MACF1: variants seen among roughly 807,000 people sequenced by gnomAD.
MACF1 encodes the protein microtubule actin crosslinking factor 1.
In MACF1, 193 loss-of-function variants were observed where a neutral mutation model predicts 854.8. That is an observed-to-expected ratio of 0.23 (90% CI 0.20 to 0.25). The LOEUF is 0.25. MACF1 is among the 10% of genes least tolerant of loss of function. The pLI, the probability that MACF1 is intolerant of heterozygous loss-of-function variation, is 1.00. For missense variants in MACF1, 7,722 were observed against 8,929.1 expected (o/e 0.86, Z 5.45); for synonymous variants, 3,185 against 3,226.7 (o/e 0.99, Z 0.44).
intron 2 of MACF1, among the ~76,000 whole-genome samples, chr1:39,190,923 G>A (rs1644248353): frequency 6.6e-6 from 1 of 152,138 alleles, no homozygotes; most frequent in Non-Finnish European, 1.5e-5. Context: ...AACCTGGGAG[G>A]TGGAGTTTGC....
intron 74 of MACF1, among the ~76,000 whole-genome samples, chr1:39,441,727 T>C (rs148749113): frequency 6.6e-5 from 10 of 152,314 alleles, no homozygotes; most frequent in African/African-American, 2.4e-4. Flanking sequence ...TATTTCCAAA[T>C]TGTAGTTTAT....
chr1:39,101,390 G>A (rs1341124377), intron 2 of MACF1, among the ~76,000 whole-genome samples: 11 of 122,462 alleles, frequency 9.0e-5, no homozygotes, highest in African/African-American at 2.5e-4. Context: ...ATATATATAT[G>A]TGTGTGTATA....
chr1:39,250,372 C>T (rs1221566941), intron 3 of MACF1, among the ~76,000 whole-genome samples: 2 of 151,990 alleles, frequency 1.3e-5, no homozygotes, highest in Non-Finnish European at 2.9e-5. Context: ...TTTTGCATTA[C>T]TTTTTCTTTA....
intron 2 of MACF1, among the ~76,000 whole-genome samples, chr1:39,128,399 A>G (rs1447532242): frequency 6.6e-6 from 1 of 151,984 alleles, no homozygotes; most frequent in Non-Finnish European, 1.5e-5. Context: ...TCTCCCTTTG[A>G]TACTTAAGAG....
intron 2 of MACF1, among the ~76,000 whole-genome samples, chr1:39,160,094 C>T (rs773785787): frequency 2.6e-5 from 4 of 152,064 alleles, no homozygotes; most frequent in Non-Finnish European, 5.9e-5. Context: ...ATGGGAGGAT[C>T]GCTTGAACCC....
At position 39,361,012 on chromosome 1, in the gene MACF1, T is replaced by C. The variant is rs537471221; in HGVS notation, c.12453+11T>C. On this transcript the variant is annotated intron_variant, in intron 48 of 100. Coordinates refer to ENST00000564288, the MANE Select transcript of MACF1 (RefSeq NM_001394062.1). Reference sequence around the variant, plus strand: ...TTAGCCACAAATATGGTAAGATCTGTGTCCCAAGAGCTAGCATAGAGGGTA... The same window carrying C: ...TTAGCCACAAATATGGTAAGATCTGCGTCCCAAGAGCTAGCATAGAGGGTA... 1.9e-6 allele frequency: 3 copies of C among 1,611,104 alleles called. No individual in the cohort carries two copies. In the South Asian group the frequency reaches 3.3e-5, roughly 18 times the overall value.
chr1:39,366,943 CT>C (rs138556133), intron 49 of MACF1, among the ~76,000 whole-genome samples: 21,820 of 92,968 alleles, frequency 0.23, 1,835 homozygotes, highest in African/African-American at 0.33. Context: ...CATGCCTGGC[CT>C]TTTTTTTTTT....
intron 58 of MACF1, among the ~76,000 whole-genome samples, chr1:39,393,343 G>A (rs181400896): frequency 2.3e-3 from 351 of 151,422 alleles, no homozygotes; most frequent in Admixed American, 3.8e-3. Flanking sequence ...CCTGCTCCCC[G>A]CAAGAACCAT....
At chr1:39,166,958 A>G (rs1643888728) in intron 2 of MACF1, among the ~76,000 whole-genome samples, 1 of 151,938 alleles carries the variant, frequency 6.6e-6, no homozygotes, top group South Asian at 2.1e-4. Context: ...AGTAAAGAGC[A>G]GGGATGTTAA....
Position 39,430,024 on chromosome 1 carries a change from T to C in MACF1, c.17086T>C (p.Ser5696Pro), listed in dbSNP as rs773594255. Residue 5696 changes from serine (S) to proline (P), a missense_variant, in exon 65 of 101, where the codon TCT becomes CCT. Ser to Pro is a moderately conservative substitution (Grantham distance 74). Transcript: ENST00000564288. ...GGAGCTGGCAACCAGTGGAGGACAG[T>C]CTCCCACAGGGGAACAGATACCCCA... is the stretch of plus-strand genomic sequence containing the variant. The part of the protein sequence containing the change: ...EEELATSGGQ[S>P]PTGEQIPQFQ... 1 of 1,613,560 alleles carries C rather than the reference T, an allele frequency of 6.2e-7. No homozygotes were observed. Among genetic ancestry groups the C allele is most frequent in the South Asian group, 1.1e-5 (1 of 91,042 alleles).
chr1:39,285,428 A>G, intron 13 of MACF1, 38 bp downstream of exon 13: 1 of 1,603,922 alleles, frequency 6.2e-7, no homozygotes, highest in South Asian at 1.1e-5. Context: ...TCTGTGTCAC[A>G]TGTTTCCTGC....
chr1:39,259,925 C>T (rs1259260645), intron 6 of MACF1, among the ~76,000 whole-genome samples: 1 of 152,118 alleles, frequency 6.6e-6, no homozygotes, highest in Non-Finnish European at 1.5e-5. Flanking sequence ...CCAGAAGAAA[C>T]ATTTCCTTGA....
At chr1:39,095,046 T>C (rs1189805940) in intron 2 of MACF1, among the ~76,000 whole-genome samples, 1 of 152,142 alleles carries the variant, frequency 6.6e-6, no homozygotes, top group Non-Finnish European at 1.5e-5. Context: ...TCCTGGAAGC[T>C]CCCTGAATCT....
chr1:39,238,775 C>G (rs952688633), intron 2 of MACF1, among the ~76,000 whole-genome samples: 2 of 152,168 alleles, frequency 1.3e-5, no homozygotes, highest in African/African-American at 4.8e-5. Flanking sequence ...AGGCCCCCAG[C>G]CTTACAGTTT....
intron 97 of MACF1, among the ~76,000 whole-genome samples, chr1:39,478,750 T>G (rs533677235): frequency 6.6e-6 from 1 of 152,296 alleles, no homozygotes; most frequent in African/African-American, 2.4e-5. Flanking sequence ...CCTTCTAGAT[T>G]TATGGTTTCT....
chr1:39,282,146 G>T (rs1177325853), intron 6 of MACF1, 62 bp from the exon 7 acceptor site: 9 of 1,561,450 alleles, frequency 5.8e-6, no homozygotes, highest in African/African-American at 1.4e-5. Context: ...GTATGGAGAA[G>T]AGAAGGCTAA....
At chr1:39,481,739 T>G (rs1415306769) in intron 99 of MACF1, among the ~76,000 whole-genome samples, 1 of 152,220 alleles carries the variant, frequency 6.6e-6, no homozygotes, top group Non-Finnish European at 1.5e-5. Flanking sequence ...GCTTGTCTGA[T>G]AGTAGTGCAG....
chr1:39,125,291 A>G lies in MACF1; in HGVS notation c.220+40853A>G, dbSNP rs535124475. On this transcript the variant is annotated intron_variant, in intron 2 of 93. Transcript: ENST00000361689. ...TTCAAGCAGGTTGGTGTCATTAAGAACAAGGGGTTTGAATCTTGACTCAGC... is the reference window on the plus strand; with the variant it reads ...TTCAAGCAGGTTGGTGTCATTAAGAGCAAGGGGTTTGAATCTTGACTCAGC... Among the ~76,000 whole-genome samples the G allele has an allele frequency of 3.9e-5, 6 of 152,302 alleles. No homozygotes were observed. In the South Asian group the frequency reaches 1.2e-3, roughly 32 times the overall value.
At chr1:39,138,942 G>C (rs975717255) in intron 2 of MACF1, among the ~76,000 whole-genome samples, 3 of 152,174 alleles carry the variant, frequency 2.0e-5, no homozygotes, top group African/African-American at 7.2e-5. Flanking sequence ...TGGGATTACA[G>C]GCGTAAGCCA....
Sources: gnomAD v4.1 joint callset for allele counts (sites outside exome capture counted in the v4.1 genomes callset) on GRCh38, gnomAD v4.1.1 for gene constraint, MANE v1.5 for transcripts, NCBI Gene and HGNC (gene_info 2026-07-23, HGNC 2026-07-21) for gene names.